Variants in LCLAT1 observed in about 807,000 individuals in gnomAD.
The protein encoded by LCLAT1 is lysocardiolipin acyltransferase 1.
LCLAT1 carries 11 observed loss-of-function variants against 30.7 expected under a neutral mutation model. The observed-to-expected ratio is 0.36, with a 90% confidence interval of 0.23 to 0.59. The LOEUF (loss-of-function observed/expected upper bound fraction) is 0.59, where lower values mean the gene tolerates loss of function less well. LCLAT1 is among the 20% of genes least tolerant of loss of function. The pLI, the probability that LCLAT1 is intolerant of heterozygous loss-of-function variation, is 0.77. For synonymous variants in LCLAT1, 155 were observed against 151.3 expected (o/e 1.02, Z -0.18); for missense variants, 402 against 458.6 (o/e 0.88, Z 1.13).
At chr2:30,496,671 A>G (rs1259341219) in intron 1 of LCLAT1, among the ~76,000 whole-genome samples, 2 of 152,186 alleles carry the variant, frequency 1.3e-5, no homozygotes, top group Non-Finnish European at 2.9e-5. Context: ...GCAATGGATT[A>G]GTGTTAAGCC....
intron 5 of LCLAT1, among the ~76,000 whole-genome samples, chr2:30,622,562 C>G (rs1027921146): frequency 6.6e-6 from 1 of 152,198 alleles, no homozygotes; most frequent in African/African-American, 2.4e-5. Context: ...CTTCACTCCC[C>G]CAATACCTCC....
At chr2:30,546,879 A>G (rs539929674) in intron 3 of LCLAT1, among the ~76,000 whole-genome samples, 56 of 152,124 alleles carry the variant, frequency 3.7e-4, no homozygotes, top group Admixed American at 7.2e-4. Context: ...ACACAATTTC[A>G]TGCTGCCCTC....
chr2:30,593,261 A>G (rs919126221), intron 5 of LCLAT1, among the ~76,000 whole-genome samples: 4 of 152,190 alleles, frequency 2.6e-5, no homozygotes, highest in African/African-American at 9.7e-5. Context: ...TTATGGCTGA[A>G]TAATATTTCA....
intron 2 of LCLAT1, among the ~76,000 whole-genome samples, chr2:30,529,048 C>T (rs1263734166): frequency 2.0e-5 from 3 of 152,058 alleles, no homozygotes; most frequent in Non-Finnish European, 4.4e-5. Flanking sequence ...TTTTTAAATT[C>T]AGAGTGAATT....
chr2:30,504,250 A>G (rs1484785079), intron 1 of LCLAT1, among the ~76,000 whole-genome samples: 1 of 151,712 alleles, frequency 6.6e-6, no homozygotes, highest in African/African-American at 2.4e-5. Flanking sequence ...ATGGGCTCAT[A>G]TTTTGTGTAG....
chr2:30,640,892 G>C lies in LCLAT1; in HGVS notation c.*273G>C, dbSNP rs1474787574. On this transcript the variant is annotated 3_prime_UTR_variant, in exon 6 of 6. Transcript: ENST00000379509. The stretch of plus-strand genomic sequence containing the variant: ...TTATTAAACAATCATCAGGCTTTTA[G>C]CGACAAGGAACACACACATTTTTCT... The C allele has an allele frequency of 2.9e-6, 1 of 344,852 alleles. No homozygotes were observed. The highest frequency in any genetic ancestry group is 5.3e-6 in the Non-Finnish European group (1 of 188,486). The allele number at this position is 344,852 out of a possible 1,614,324, so 21.4% of individuals were successfully genotyped here.
intron 1 of LCLAT1, among the ~76,000 whole-genome samples, chr2:30,499,523 A>T (rs935536639): frequency 2.6e-5 from 4 of 152,072 alleles, no homozygotes; most frequent in African/African-American, 9.7e-5. Flanking sequence ...ACTTCTTGGG[A>T]TTTTTGGATA....
At chr2:30,492,325 C>A (rs1331871764) in intron 1 of LCLAT1, among the ~76,000 whole-genome samples, 2 of 152,122 alleles carry the variant, frequency 1.3e-5, no homozygotes, top group Admixed American at 1.3e-4. Flanking sequence ...GAGGAGAGAA[C>A]TGAGCTGGAC....
At chr2:30,447,815 T>C (rs761914903) in intron 1 of LCLAT1, among the ~76,000 whole-genome samples, 2 of 152,070 alleles carry the variant, frequency 1.3e-5, no homozygotes, top group Admixed American at 6.5e-5. Flanking sequence ...CACTAAAACG[T>C]CTCAAGTGGT....
chr2:30,525,788 G>T (rs1269162026), intron 2 of LCLAT1, 33 bp downstream of exon 2: 6 of 1,603,122 alleles, frequency 3.7e-6, no homozygotes, highest in Non-Finnish European at 5.1e-6. Flanking sequence ...CTGTCTGCTT[G>T]TACTAGAGTG....
At chr2:30,494,519 C>T (rs1439828194) in intron 1 of LCLAT1, among the ~76,000 whole-genome samples, 4 of 150,944 alleles carry the variant, frequency 2.6e-5, no homozygotes, top group Non-Finnish European at 5.9e-5. Flanking sequence ...AAAATATAAA[C>T]CTATATTTTT....
intron 5 of LCLAT1, among the ~76,000 whole-genome samples, chr2:30,580,712 G>A (rs1666175858): frequency 1.3e-5 from 2 of 152,120 alleles, no homozygotes; most frequent in South Asian, 2.1e-4. Context: ...AATCAGTAGA[G>A]GATAGGAGCA....
chr2:30,527,262 A>G (rs1014403467), intron 2 of LCLAT1, among the ~76,000 whole-genome samples: 3 of 151,986 alleles, frequency 2.0e-5, no homozygotes, highest in Non-Finnish European at 4.4e-5. Flanking sequence ...TGTAAAATAA[A>G]GAAATTGGAG....
chr2:30,541,276 A>C (rs1025903682), intron 3 of LCLAT1, among the ~76,000 whole-genome samples: 3 of 152,128 alleles, frequency 2.0e-5, no homozygotes, highest in Non-Finnish European at 2.9e-5. Flanking sequence ...AGAGCTGGGC[A>C]TGGTAATTCC....
intron 5 of LCLAT1, among the ~76,000 whole-genome samples, chr2:30,635,098 G>A (rs1321673951): frequency 6.6e-6 from 1 of 152,104 alleles, no homozygotes; most frequent in Non-Finnish European, 1.5e-5. Flanking sequence ...TTAATATAAA[G>A]CTTTAAAGTT....
chr2:30,552,625 T>G (rs1664731726), intron 3 of LCLAT1: 1 of 395,404 alleles, frequency 2.5e-6, no homozygotes, highest in Non-Finnish European at 5.2e-6. Context: ...AAGAGGGATG[T>G]GGAGAGCATT....
At chr2:30,614,959 T>A (rs1414676782) in intron 5 of LCLAT1, among the ~76,000 whole-genome samples, 1 of 152,006 alleles carries the variant, frequency 6.6e-6, no homozygotes, top group Admixed American at 6.6e-5. Flanking sequence ...ATTTGGTACA[T>A]AAAGGTCACC....
intron 4 of LCLAT1, 53 bp downstream of exon 4, chr2:30,562,345 A>C (rs2148441609): frequency 2.8e-6 from 4 of 1,425,304 alleles, no homozygotes; most frequent in East Asian, 2.4e-5. Flanking sequence ...TAAACTTCTC[A>C]TTTCTCAGAT....
intron 3 of LCLAT1, among the ~76,000 whole-genome samples, chr2:30,537,626 A>G (rs996244864): frequency 1.3e-5 from 2 of 152,130 alleles, no homozygotes; most frequent in Admixed American, 1.3e-4. Context: ...ACCCCAATAT[A>G]GTAATAGTTG....
Sources: gnomAD v4.1 joint callset for allele counts (sites outside exome capture counted in the v4.1 genomes callset) on GRCh38, gnomAD v4.1.1 for gene constraint, MANE v1.5 for transcripts, NCBI Gene and HGNC (gene_info 2026-07-23, HGNC 2026-07-21) for gene names.